Variants in SCAF4 observed in about 807,000 individuals in gnomAD.
SCAF4 encodes the protein SR-related and CTD-associated factor 4.
A neutral mutation model predicts 129.8 loss-of-function variants in SCAF4; 25 were observed. The ratio of observed to expected loss-of-function variants is 0.19; its 90% CI spans 0.14 to 0.27. The LOEUF (loss-of-function observed/expected upper bound fraction) is 0.27, where lower values mean the gene tolerates loss of function less well. SCAF4 is among the 10% of genes least tolerant of loss of function. The pLI is 1.00. For synonymous variants in SCAF4, 551 were observed against 497.7 expected (o/e 1.11, Z -1.43); for missense variants, 1,246 against 1,457.1 (o/e 0.86, Z 2.36).
chr21:31,679,330 T>A (rs965442879), intron 19 of SCAF4, among the ~76,000 whole-genome samples: 4 of 151,782 alleles, frequency 2.6e-5, no homozygotes, highest in Non-Finnish European at 4.4e-5. Context: ...CCTAAGCATA[T>A]ATCCCTAGGT....
At chr21:31,723,953 T>G (rs926805407) in intron 1 of SCAF4, among the ~76,000 whole-genome samples, 2 of 152,178 alleles carry the variant, frequency 1.3e-5, no homozygotes, top group Non-Finnish European at 2.9e-5. Context: ...GGGCTTCTAA[T>G]TCTTAACTCC....
intron 16 of SCAF4, 151 bp downstream of exon 16, chr21:31,688,156 T>C: frequency 8.3e-6 from 1 of 120,826 alleles, no homozygotes; most frequent in Admixed American, 1.4e-4. Flanking sequence ...GTGAAGAATA[T>C]AAAATTTAAA....
Position 31,685,385 on chromosome 21 carries a change from A to G in SCAF4, c.2296+13T>C, listed in dbSNP as rs1251427201. 14 of 1,600,904 alleles carry G rather than the reference A, an allele frequency of 8.7e-6. No individual in the cohort carries two copies. The Admixed American group carries it at 2.4e-4, about 27-fold the overall frequency. ...AAGAGGATAAGCAAACACAAAGAAAAAAACATGCTTACAGTTTGGGATGCT... is the reference window on the plus strand; with the variant it reads ...AAGAGGATAAGCAAACACAAAGAAAGAAACATGCTTACAGTTTGGGATGCT... On this transcript the variant is annotated intron_variant, in intron 18 of 19. Coordinates refer to ENST00000286835, the MANE Select transcript of SCAF4 (RefSeq NM_020706.2).
At position 31,732,039 on chromosome 21, in the gene SCAF4, G is replaced by GCTC; in HGVS notation, c.-348_-347insGAG. ...CGCACTGGCTCACACTGGCCCGGCC[G>GCTC]GCGAGCGGGCGGGCCTCTCTCTCCC... is the stretch of plus-strand genomic sequence containing the variant. On this transcript the variant is annotated 5_prime_UTR_variant, in exon 1 of 20. Coordinates refer to ENST00000286835, the MANE Select transcript of SCAF4 (RefSeq NM_020706.2). 1 of 431,600 alleles carries GCTC rather than the reference G, an allele frequency of 2.3e-6. No homozygotes were observed. Among genetic ancestry groups the GCTC allele is most frequent in the South Asian group, 7.0e-5 (1 of 14,190 alleles). 26.7% of individuals were successfully genotyped at this position (431,600 alleles called of 1,614,324 possible).
chr21:31,685,340 T>TC, intron 18 of SCAF4, 58 bp downstream of exon 18: 3 of 1,523,746 alleles, frequency 2.0e-6, no homozygotes, highest in Non-Finnish European at 2.7e-6. Flanking sequence ...CGCTTCACTC[T>TC]CCCTCCTACA....
chr21:31,706,977 T>C (rs184842163), intron 1 of SCAF4: 1 of 304,246 alleles, frequency 3.3e-6, no homozygotes, highest in Non-Finnish European at 6.3e-6. Context: ...TCTAGAAACA[T>C]TTTTAAGGAG....
intron 1 of SCAF4, among the ~76,000 whole-genome samples, chr21:31,726,999 TTTTA>T (rs1420145902): frequency 2.0e-5 from 3 of 152,180 alleles, no homozygotes; most frequent in African/African-American, 7.2e-5. Flanking sequence ...AGACTTTATA[TTTTA>T]TTTGTAAATT....
intron 7 of SCAF4, among the ~76,000 whole-genome samples, chr21:31,699,417 CAA>C (rs975292274): frequency 1.1e-4 from 17 of 151,118 alleles, no homozygotes; most frequent in African/African-American, 3.9e-4. Context: ...TGCATGCAAA[CAA>C]GAGTGCAAGA....
chr21:31,671,943 GGCTGCT>G lies in SCAF4; in HGVS notation c.2894_2899del (p.Gln965_Gln966del), dbSNP rs578023456. The G allele has an allele frequency of 9.7e-5, 156 of 1,606,320 alleles. No individual in the cohort carries two copies. The highest frequency in any genetic ancestry group is 4.2e-4 in the East Asian group (19 of 44,796). On this transcript the variant is annotated inframe_deletion, in exon 20 of 20. Transcript: ENST00000286835. The stretch of plus-strand genomic sequence containing the variant: ...TGGTGGAGGCTGTTGTGATGGTGGT[GGCTGCT>G]GCTGCTGCTGCTGCTGTGGTTGCTG...
At chr21:31,699,451 C>T (rs974131853) in intron 7 of SCAF4, among the ~76,000 whole-genome samples, 5 of 150,904 alleles carry the variant, frequency 3.3e-5, no homozygotes, top group Non-Finnish European at 5.9e-5. Flanking sequence ...CAAATCTGTT[C>T]AAACTGCAGT....
Position 31,685,389 on chromosome 21 carries a change from C to G in SCAF4, c.2296+9G>C. The G allele has an allele frequency of 1.2e-6, 2 of 1,601,766 alleles. No homozygotes were observed. The highest frequency in any genetic ancestry group is 1.7e-6 in the Non-Finnish European group (2 of 1,173,534). On this transcript the variant is annotated intron_variant, in intron 18 of 19. Coordinates refer to ENST00000286835, the MANE Select transcript of SCAF4 (RefSeq NM_020706.2). ...GGATAAGCAAACACAAAGAAAAAAA[C>G]ATGCTTACAGTTTGGGATGCTTATT...
intron 16 of SCAF4, 46 bp downstream of exon 16, chr21:31,688,261 G>A: frequency 6.3e-7 from 1 of 1,584,774 alleles, no homozygotes. Flanking sequence ...TTTAGAAAGG[G>A]ACCTTTCAGG....
At position 31,677,466 on chromosome 21, in the gene SCAF4, T is replaced by C. The variant is rs2049887443; in HGVS notation, c.2489-5112A>G. Among the ~76,000 whole-genome samples, 3 of 152,212 alleles carry C rather than the reference T, an allele frequency of 2.0e-5. No individual in the cohort carries two copies. The South Asian group carries it at 6.2e-4, about 31-fold the overall frequency. On this transcript the variant is annotated intron_variant, in intron 19 of 19. Coordinates refer to ENST00000286835, the MANE Select transcript of SCAF4 (RefSeq NM_020706.2). ...AAATCTCCTGAGATGTTCAAAATCC[T>C]AATTGTATCCTTCATCTCCCAGTCT...
intron 1 of SCAF4, among the ~76,000 whole-genome samples, chr21:31,714,191 C>A (rs962417315): frequency 6.6e-6 from 1 of 152,072 alleles, no homozygotes; most frequent in African/African-American, 2.4e-5. Context: ...TGGAATGACT[C>A]GTACTATGTC....
At chr21:31,717,841 A>ATATATATATATATATATATATATATG (rs1368659249) in intron 1 of SCAF4, among the ~76,000 whole-genome samples, 4 of 83,290 alleles carry the variant, frequency 4.8e-5, no homozygotes, top group African/African-American at 1.7e-4. Flanking sequence ...ATATATATAT[A>ATATATATATATATATATATATATATG]TACACACACA....
In SCAF4 at chr21:31,731,812, G is replaced by T; in HGVS notation, c.-120C>A. On this transcript the variant is annotated 5_prime_UTR_variant, in exon 1 of 20. Transcript: ENST00000286835. The stretch of plus-strand genomic sequence containing the variant: ...CCGGGGGGAGGCGACGAGCGGCGGA[G>T]TCCGAGGCCCGGGCAGGAAGAGGCT... 1.7e-6 allele frequency: 2 copies of T among 1,187,872 alleles called. No homozygotes were observed. Among genetic ancestry groups the T allele is most frequent in the South Asian group, 1.8e-5 (1 of 57,116 alleles). The allele number at this position is 1,187,872 out of a possible 1,614,324, so 73.6% of individuals were successfully genotyped here. A position where few individuals can be genotyped will look rare whatever the true frequency, so the allele number is the denominator to read the frequency against.
At chr21:31,709,848 G>C (rs199943336) in intron 1 of SCAF4, among the ~76,000 whole-genome samples, 2 of 108,166 alleles carry the variant, frequency 1.8e-5, no homozygotes, top group African/African-American at 8.5e-5. Flanking sequence ...GTTTTGAGAT[G>C]ATACTTAAAA....
At chr21:31,675,378 G>A (rs1348622582) in intron 19 of SCAF4, among the ~76,000 whole-genome samples, 9 of 152,310 alleles carry the variant, frequency 5.9e-5, no homozygotes, top group African/African-American at 2.2e-4. Flanking sequence ...CCCCTCGAGA[G>A]TAGTTAGGCA....
intron 1 of SCAF4, among the ~76,000 whole-genome samples, chr21:31,727,247 T>C (rs1258731865): frequency 1.3e-5 from 2 of 151,994 alleles, no homozygotes; most frequent in African/African-American, 2.4e-5. Context: ...CCCAGCTAAT[T>C]TTTTGTATTT....
Sources: gnomAD v4.1 joint callset for allele counts (sites outside exome capture counted in the v4.1 genomes callset) on GRCh38, gnomAD v4.1.1 for gene constraint, MANE v1.5 for transcripts, NCBI Gene and HGNC (gene_info 2026-07-23, HGNC 2026-07-21) for gene names.